MED8: variants seen among roughly 807,000 people sequenced by gnomAD.
The protein encoded by MED8 is mediator complex subunit 8, also known as mediator of RNA polymerase II transcription subunit 8.
A neutral mutation model predicts 34.8 loss-of-function variants in MED8; 22 were observed. The observed-to-expected ratio is 0.63, with a 90% CI of 0.45 to 0.90. The LOEUF is 0.90. MED8 is among the 40% of genes least tolerant of loss of function. The pLI, the probability that MED8 is intolerant of heterozygous loss-of-function variation, is 0.00. For synonymous variants in MED8, 105 were observed against 120.2 expected, an observed-to-expected ratio of 0.87 and a Z score of 0.83; for missense variants, 260 against 326.3, an observed-to-expected ratio of 0.80 and a Z score of 1.57.
chr1:43,388,636 A>G, intron 1 of MED8: 1 of 685,612 alleles, frequency 1.5e-6, no homozygotes, highest in Non-Finnish European at 2.3e-6. Flanking sequence ...GCCTGACCCC[A>G]AGTCCTTCCA....
chr1:43,389,383 T>C (rs1418144730), intron 1 of MED8, among the ~76,000 whole-genome samples: 1 of 152,162 alleles, frequency 6.6e-6, no homozygotes, highest in Non-Finnish European at 1.5e-5. Flanking sequence ...CCCTGCTATA[T>C]CGGCAACCAA....
intron 3 of MED8, among the ~76,000 whole-genome samples, chr1:43,387,221 C>G (rs1054047305): frequency 6.6e-6 from 1 of 152,164 alleles, no homozygotes; most frequent in African/African-American, 2.4e-5. Context: ...ATTAAACTAT[C>G]ACTGTCTGCC....
At position 43,388,357 on chromosome 1, in the gene MED8, CAG is replaced by C; in HGVS notation, c.76_77del (p.Leu26GlyfsTer40). On this transcript the variant is annotated frameshift_variant, in exon 2 of 7. Coordinates refer to ENST00000372457, the MANE Select transcript of MED8 (RefSeq NM_201542.5). LOFTEE classifies it high-confidence loss of function. ...TCTCCAACTTGCAAATGAAACTCCC[CAG>C]AGAGTTCTTCAGATCAGCCACTTGA... ...LSQVADLKNSLGSFICKLENE... is the reference protein window; with the variant it reads ...LSQVADLKNSXGSFICKLENE... 2 of 1,613,702 alleles carry C rather than the reference CAG, an allele frequency of 1.2e-6. No individual in the cohort carries two copies. Among genetic ancestry groups the C allele is most frequent in the Non-Finnish European group, 1.7e-6 (2 of 1,179,878 alleles).
Position 43,385,048 on chromosome 1 carries a change from C to G in MED8, c.801G>C (p.Gln267His). Residue 267 changes from glutamine (Q) to histidine (H), a missense_variant, in exon 7 of 7, where the codon CAG becomes CAC. Gln to His is a conservative substitution (Grantham distance 24). Transcript: ENST00000372457. Reference protein sequence around the residue: ...NIKSASMHPYQR With the variant: ...NIKSASMHPYHR ...TCGAGGTTGCCAGCCACACTCACCG[C>G]TGGTAGGGATGCATGGAAGCCGACT... The G allele has an allele frequency of 1.9e-6, 3 of 1,556,690 alleles. No individual in the cohort carries two copies. Among genetic ancestry groups the G allele is most frequent in the Non-Finnish European group, 2.6e-6 (3 of 1,149,542 alleles).
chr1:43,384,595 G>C lies in MED8; in HGVS notation c.*447C>G, dbSNP rs201254456. On this transcript the variant is annotated 3_prime_UTR_variant, in exon 7 of 7. Coordinates refer to ENST00000372457, the MANE Select transcript of MED8 (RefSeq NM_201542.5). ...CTCTAAGAACACAGAGGTTGCTACA[G>C]TTTCTGGCAGCACAAAATAAGCATA... 1 of 1,554,844 alleles carries C rather than the reference G, an allele frequency of 6.4e-7. No homozygotes were observed. The highest frequency in any genetic ancestry group is 8.7e-7 in the Non-Finnish European group (1 of 1,153,542).
Position 43,386,662 on chromosome 1 carries a change from G to C in MED8, c.420C>G (p.Ile140Met). 1 of 1,609,824 alleles carries C rather than the reference G, an allele frequency of 6.2e-7. No individual in the cohort carries two copies. Among genetic ancestry groups the C allele is most frequent in the African/African-American group, 1.3e-5 (1 of 75,000 alleles). The change falls in exon 5 of 7, where the codon ATC becomes ATG. Residue 140 changes from isoleucine to methionine, a missense_variant. Physicochemically the swap from Ile to Met is conservative, Grantham distance 10. Coordinates refer to ENST00000372457, the MANE Select transcript of MED8 (RefSeq NM_201542.5). The surrounding 1 kb of genome is among the most constrained non-coding windows in gnomAD (Gnocchi z 4.9). Reference sequence around the variant, plus strand: ...TTGAACACATTTTATTCAAGCTCTGGATCTGCTTCTGTAACACACAAATTT... The same window carrying C: ...TTGAACACATTTTATTCAAGCTCTGCATCTGCTTCTGTAACACACAAATTT... ...RIGADAAQKQ[I>M]QSLNKMCSNL... is the part of the protein sequence containing the mutation.
intron 6 of MED8, 178 bp downstream of exon 6, chr1:43,385,800 C>T: frequency 1.1e-6 from 1 of 907,378 alleles, no homozygotes; most frequent in Non-Finnish European, 1.7e-6. Flanking sequence ...CTCTCTGGTG[C>T]CTGTTGCAGA....
chr1:43,387,656 G>A lies in MED8; in HGVS notation c.126-9C>T. 6.2e-7 allele frequency: 1 copy of A among 1,613,672 alleles called. No homozygotes were observed. On this transcript the variant is annotated splice_polypyrimidine_tract_variant and intron_variant, in intron 2 of 6. Transcript: ENST00000372457. ...TGTCCAGGACAGATGGCCTGGTGGT[G>A]GTAACAAGGTGTAAGAATGTTGTAC...
rs753240247 is a variant in MED8, at chr1:43,384,475, T to C, written c.*567A>G. The C allele has an allele frequency of 2.1e-5, 33 of 1,608,354 alleles. 1 individual carries two copies. Among genetic ancestry groups the C allele is most frequent in the Admixed American group, 5.1e-5 (3 of 59,226 alleles). ...TCACCAGAGCTGCAGGTGGGCATTT[T>C]TTTTTCCTTCCTGGCCCAGAAGCTT... On this transcript the variant is annotated 3_prime_UTR_variant, in exon 7 of 7. Transcript: ENST00000372457.
chr1:43,384,626 A>G lies in MED8; in HGVS notation c.*416T>C. 6.6e-7 allele frequency: 1 copy of G among 1,510,660 alleles called. No individual in the cohort carries two copies. Among genetic ancestry groups the G allele is most frequent in the Non-Finnish European group, 8.8e-7 (1 of 1,130,510 alleles). 93.6% of individuals were successfully genotyped at this position (1,510,660 alleles called of 1,614,324 possible). Reference sequence around the variant, plus strand: ...GGCAGCACAAAATAAGCATAGCCTTATTTGATCTTGTGTCCATCAGCTCAC... The same window carrying G: ...GGCAGCACAAAATAAGCATAGCCTTGTTTGATCTTGTGTCCATCAGCTCAC... On this transcript the variant is annotated 3_prime_UTR_variant, in exon 7 of 7. Transcript: ENST00000372457.
At chr1:43,385,583 T>G (rs770077008) in intron 6 of MED8, 1 of 282,738 alleles carries the variant, frequency 3.5e-6, no homozygotes, top group Non-Finnish European at 6.8e-6. Flanking sequence ...AAAGAATACA[T>G]GTAGGACTGG....
In MED8 at chr1:43,389,786, C is replaced by T; in HGVS notation, c.-22G>A. On this transcript the variant is annotated 5_prime_UTR_variant, in exon 1 of 7. Transcript: ENST00000372457. ...GCATTGCGGCGGCCGAGGCGGCTGCCACGATTTCACTTCCGGTTTTCCAGT... is the reference window on the plus strand; with the variant it reads ...GCATTGCGGCGGCCGAGGCGGCTGCTACGATTTCACTTCCGGTTTTCCAGT... 1 of 1,610,144 alleles carries T rather than the reference C, an allele frequency of 6.2e-7. No homozygotes were observed. Among genetic ancestry groups the T allele is most frequent in the Non-Finnish European group, 8.5e-7 (1 of 1,178,270 alleles).
In MED8 at chr1:43,387,001, G is replaced by A. The variant is rs1557486532; in HGVS notation, c.271-3C>T. The A allele has an allele frequency of 6.2e-7, 1 of 1,613,840 alleles. No individual in the cohort carries two copies. The highest frequency in any genetic ancestry group is 8.5e-7 in the Non-Finnish European group (1 of 1,179,800). ...GGCACCCGTCCTTCAGTCTGCCGCT[G>A]TAACACACAGATTTTATTGATCCTA... On this transcript the variant is annotated splice_polypyrimidine_tract_variant and splice_region_variant and intron_variant, in intron 3 of 6. Coordinates refer to ENST00000372457, the MANE Select transcript of MED8 (RefSeq NM_201542.5).
intron 6 of MED8, 43 bp from the exon 7 acceptor site, chr1:43,385,149 T>G (rs1200520985): frequency 6.5e-7 from 1 of 1,547,032 alleles, no homozygotes; most frequent in Non-Finnish European, 8.7e-7. Context: ...AAGGTAAGAC[T>G]TTCATGACAA....
At position 43,384,938 on chromosome 1, in the gene MED8, C is replaced by T; in HGVS notation, c.*104G>A. 25 of 1,468,026 alleles carry T rather than the reference C, an allele frequency of 1.7e-5. No individual in the cohort carries two copies. Among genetic ancestry groups the T allele is most frequent in the Non-Finnish European group, 2.3e-5 (25 of 1,110,044 alleles). 90.9% of individuals were successfully genotyped at this position (1,468,026 alleles called of 1,614,324 possible). On this transcript the variant is annotated 3_prime_UTR_variant, in exon 7 of 7. Coordinates refer to ENST00000372457, the MANE Select transcript of MED8 (RefSeq NM_201542.5). ...GTGGGATTTGTCTGCTGCTGAAAGC[C>T]CATGTTCTTTTTATTGTACCCATCT...
At chr1:43,389,612 G>T in intron 1 of MED8, 147 bp downstream of exon 1, 1 of 1,276,748 alleles carries the variant, frequency 7.8e-7, no homozygotes, top group Non-Finnish European at 1.1e-6. Context: ...GCTCCAATTA[G>T]CCTCGCCCCC....
In MED8 at chr1:43,389,797, T is replaced by C. The variant is rs1243969044; in HGVS notation, c.-33A>G. 3 of 1,609,710 alleles carry C rather than the reference T, an allele frequency of 1.9e-6. No individual in the cohort carries two copies. Among genetic ancestry groups the C allele is most frequent in the Non-Finnish European group, 2.5e-6 (3 of 1,178,052 alleles). ...GCCGAGGCGGCTGCCACGATTTCAC[T>C]TCCGGTTTTCCAGTCAGCAAACGCC... On this transcript the variant is annotated 5_prime_UTR_variant, in exon 1 of 7. Coordinates refer to ENST00000372457, the MANE Select transcript of MED8 (RefSeq NM_201542.5).
chr1:43,384,471 A>AC lies in MED8; in HGVS notation c.*570_*571insG. On this transcript the variant is annotated 3_prime_UTR_variant, in exon 7 of 7. Coordinates refer to ENST00000372457, the MANE Select transcript of MED8 (RefSeq NM_201542.5). ...AGCTTCACCAGAGCTGCAGGTGGGCATTTTTTTTTCCTTCCTGGCCCAGAA... is the reference window on the plus strand; with the variant it reads ...AGCTTCACCAGAGCTGCAGGTGGGCACTTTTTTTTTCCTTCCTGGCCCAGAA... 1 of 1,597,284 alleles carries AC rather than the reference A, an allele frequency of 6.3e-7. No homozygotes were observed. Among genetic ancestry groups the AC allele is most frequent in the Non-Finnish European group, 8.5e-7 (1 of 1,171,132 alleles).
Position 43,386,476 on chromosome 1 carries a change from C to T in MED8, c.493+113G>A. The T allele has an allele frequency of 8.0e-7, 1 of 1,253,158 alleles. No homozygotes were observed. The highest frequency in any genetic ancestry group is 1.3e-5 in the South Asian group (1 of 74,508). The allele number at this position is 1,253,158 out of a possible 1,614,324, so 77.6% of individuals were successfully genotyped here. A position where few individuals can be genotyped will look rare whatever the true frequency, so the allele number is the denominator to read the frequency against. ...AAAAGGCTAACAGAATGGATACAAACCCCAAAGCAGTTCACCCTTGTGTCC... is the reference window on the plus strand; with the variant it reads ...AAAAGGCTAACAGAATGGATACAAATCCCAAAGCAGTTCACCCTTGTGTCC... On this transcript the variant is annotated intron_variant, in intron 5 of 6. Transcript: ENST00000372457. This position sits in a 1 kb window ranked among gnomAD's most constrained non-coding sequence, Gnocchi z 4.9.
Sources: gnomAD v4.1 joint callset for allele counts (sites outside exome capture counted in the v4.1 genomes callset) on GRCh38, gnomAD v4.1.1 for gene constraint, Gnocchi (gnomAD v3.1) non-coding constraint, MANE v1.5 for transcripts, NCBI Gene and HGNC (gene_info 2026-07-23, HGNC 2026-07-21) for gene names.